Variants in CEP112 observed in about 807,000 individuals in gnomAD.
CEP112 encodes centrosomal protein of 112 kDa.
Under a neutral mutation model 153.0 loss-of-function variants are expected in CEP112, and 127 were observed. The observed-to-expected ratio is 0.83, with a 90% CI of 0.72 to 0.96. CEP112 has a LOEUF of 0.96. Among genes scored for constraint, CEP112 ranks in the 40% least tolerant of loss-of-function variants. The pLI is 0.00. For synonymous variants in CEP112, 358 were observed against 374.4 expected, an observed-to-expected ratio of 0.96 and a Z score of 0.51; for missense variants, 1,089 against 1,101.2, an observed-to-expected ratio of 0.99 and a Z score of 0.16.
chr17:65,767,602 A>G (rs1205305405), intron 21 of CEP112, among the ~76,000 whole-genome samples: 1 of 152,054 alleles, frequency 6.6e-6, no homozygotes, highest in African/African-American at 2.4e-5. Context: ...TTTTGAAAAA[A>G]TGAACAAAAT....
chr17:65,675,584 T>C (rs115613791), intron 24 of CEP112, among the ~76,000 whole-genome samples: 1,716 of 152,204 alleles, frequency 0.011, 32 homozygotes, highest in African/African-American at 0.038. Context: ...TAATTTGTTT[T>C]ATGAGGCCAG....
chr17:65,917,098 C>A (rs1359618836), intron 19 of CEP112, among the ~76,000 whole-genome samples: 1 of 152,114 alleles, frequency 6.6e-6, no homozygotes, highest in Non-Finnish European at 1.5e-5. Context: ...TGGTACTTTG[C>A]CATTGCCTGC....
At chr17:65,936,245 C>T (rs192388900) in intron 18 of CEP112, among the ~76,000 whole-genome samples, 275 of 152,214 alleles carry the variant, frequency 1.8e-3, no homozygotes, top group Non-Finnish European at 2.6e-3. Context: ...GAATCATTAG[C>T]AAGAAACTTC....
chr17:65,696,266 C>T (rs551321176), intron 23 of CEP112, among the ~76,000 whole-genome samples: 24 of 152,290 alleles, frequency 1.6e-4, no homozygotes, highest in African/African-American at 5.5e-4. Flanking sequence ...AGTGCCTGGC[C>T]TTTTCACAAA....
At position 66,070,021 on chromosome 17, in the gene CEP112, A is replaced by C. The variant is rs763404879; in HGVS notation, c.769-20T>G. On this transcript the variant is annotated intron_variant, in intron 8 of 26. Transcript: ENST00000535342. ...GTCCAGCTTCAAGAAAAATATTTCA[A>C]GGGTGTTATTAATTTACTTTCCCTT... 1 of 1,463,686 alleles carries C rather than the reference A, an allele frequency of 6.8e-7. No homozygotes were observed. Among genetic ancestry groups the C allele is most frequent in the East Asian group, 2.3e-5 (1 of 43,926 alleles). 90.7% of individuals were successfully genotyped at this position (1,463,686 alleles called of 1,614,324 possible). A position where few individuals can be genotyped will look rare whatever the true frequency, so the allele number is the denominator to read the frequency against.
intron 23 of CEP112, among the ~76,000 whole-genome samples, chr17:65,738,899 CCCACTATTTCTCCTCTCCTAGATTGG>C (rs1350802946): frequency 8.5e-5 from 13 of 152,180 alleles, no homozygotes; most frequent in Non-Finnish European, 1.8e-4. Context: ...TGCCATTCCT[CCCACTATTTCTCCTCTCCTAGATTGG>C]CCACTATTTC....
chr17:65,892,968 G>A (rs909291062), intron 20 of CEP112, among the ~76,000 whole-genome samples: 5 of 152,048 alleles, frequency 3.3e-5, no homozygotes, highest in African/African-American at 4.8e-5. Context: ...GTTTGTTTTC[G>A]TAATAAATAC....
chr17:65,726,596 T>C (rs1366747555), intron 23 of CEP112, among the ~76,000 whole-genome samples: 1 of 152,128 alleles, frequency 6.6e-6, no homozygotes, highest in Non-Finnish European at 1.5e-5. Context: ...TGTCAAGGAA[T>C]AGTGAGAAAC....
chr17:65,757,817 G>T (rs2052377678), intron 21 of CEP112, among the ~76,000 whole-genome samples: 1 of 152,050 alleles, frequency 6.6e-6, no homozygotes, highest in African/African-American at 2.4e-5. Flanking sequence ...AGCATTTTTT[G>T]AATAGCTTTA....
intron 17 of CEP112, among the ~76,000 whole-genome samples, chr17:65,993,551 T>C (rs550229601): frequency 4.1e-4 from 62 of 152,334 alleles, no homozygotes; most frequent in Admixed American, 5.9e-4. Flanking sequence ...AGAATGTTCA[T>C]TGCAGCACTA....
chr17:65,832,663 A>G (rs1775859330), intron 21 of CEP112, among the ~76,000 whole-genome samples: 1 of 152,184 alleles, frequency 6.6e-6, no homozygotes, highest in Non-Finnish European at 1.5e-5. Context: ...GAAGAAATTT[A>G]TTTCATGAAC....
chr17:66,023,327 T>C (rs553983312), intron 16 of CEP112, among the ~76,000 whole-genome samples: 3 of 152,236 alleles, frequency 2.0e-5, no homozygotes, highest in African/African-American at 7.2e-5. Context: ...CAAAAGCATC[T>C]AGTCACCTAT....
intron 17 of CEP112, among the ~76,000 whole-genome samples, chr17:65,985,794 T>G (rs528387029): frequency 6.6e-6 from 1 of 151,688 alleles, no homozygotes; most frequent in African/African-American, 2.4e-5. Flanking sequence ...CCTCACTCCA[T>G]CCTCTTGAAG....
chr17:65,690,883 G>T (rs1009733452), intron 23 of CEP112, among the ~76,000 whole-genome samples: 1 of 152,124 alleles, frequency 6.6e-6, no homozygotes, highest in African/African-American at 2.4e-5. Context: ...GGAAGTTGCT[G>T]GGGGGTGGGG....
At chr17:65,683,517 T>G (rs2047632801) in intron 24 of CEP112, among the ~76,000 whole-genome samples, 1 of 152,190 alleles carries the variant, frequency 6.6e-6, no homozygotes, top group South Asian at 2.1e-4. Context: ...GGCAGAATGC[T>G]GATTCCTGCC....
chr17:65,826,104 T>C lies in CEP112; in HGVS notation c.2394+25700A>G, dbSNP rs377650019. 33 of 1,604,952 alleles carry C rather than the reference T, an allele frequency of 2.1e-5. No homozygotes were observed. In the African/African-American group the frequency reaches 3.9e-4, roughly 19 times the overall value. On this transcript the variant is annotated intron_variant, in intron 21 of 26. Transcript: ENST00000535342. ...AGATTTATTTTTTCAGCAAGATCCC[T>C]ATGTCAGGAGGACAGAGGTTGTCTT...
chr17:66,182,780 C>G (rs2072770924), intron 2 of CEP112, among the ~76,000 whole-genome samples: 1 of 152,054 alleles, frequency 6.6e-6, no homozygotes, highest in South Asian at 2.1e-4. Flanking sequence ...CATAAAAAAC[C>G]AATAGATTAT....
chr17:65,836,841 C>T (rs2057325170), intron 21 of CEP112, among the ~76,000 whole-genome samples: 1 of 151,772 alleles, frequency 6.6e-6, no homozygotes, highest in African/African-American at 2.4e-5. Flanking sequence ...CCCCCTCCCC[C>T]TCTGATGCCC....
At chr17:66,022,296 C>T (rs1045964551) in intron 16 of CEP112, among the ~76,000 whole-genome samples, 1 of 152,140 alleles carries the variant, frequency 6.6e-6, no homozygotes, top group Non-Finnish European at 1.5e-5. Flanking sequence ...ACTATTTCTC[C>T]AGATGTGAAT....
Sources: allele counts gnomAD v4.1 joint callset (sites outside exome capture counted in the v4.1 genomes callset), GRCh38; gene constraint gnomAD v4.1.1; transcripts MANE v1.5; gene names NCBI Gene and HGNC (gene_info 2026-07-23, HGNC 2026-07-21).